SH3TC2: variants seen among roughly 807,000 people sequenced by gnomAD.
SH3TC2 encodes SH3 domain and tetratricopeptide repeats 2.
SH3TC2 carries 87 observed loss-of-function variants against 124.5 expected under a neutral mutation model. The observed-to-expected ratio is 0.70, with a 90% CI of 0.59 to 0.84. SH3TC2 has a LOEUF of 0.84. Ranked by LOEUF, SH3TC2 falls within the 40% of genes least tolerant of loss-of-function variation. SH3TC2 has a pLI of 0.00. For missense variants in SH3TC2, 1,536 were observed against 1,566.4 expected (o/e 0.98, Z 0.33); for synonymous variants, 634 against 628.5 (o/e 1.01, Z -0.13).
intron 12 of SH3TC2, among the ~76,000 whole-genome samples, chr5:149,014,934 G>GC (rs1298598490): frequency 6.6e-6 from 1 of 152,144 alleles, no homozygotes; most frequent in Admixed American, 6.5e-5. Flanking sequence ...TTCCTGCTCT[G>GC]TTTTTTTATG....
At chr5:149,045,826 T>C (rs1472343007) in intron 3 of SH3TC2, 2 of 213,000 alleles carry the variant, frequency 9.4e-6, no homozygotes, top group African/African-American at 4.8e-5. Context: ...TTTTGTATTT[T>C]AGTAGAGATG....
chr5:149,022,312 A>AAAT lies in SH3TC2; in HGVS notation c.3053+4257_3053+4259dup, dbSNP rs1753987868. 2.6e-5 allele frequency among the ~76,000 whole-genome samples: 4 copies of AAAT among 152,336 alleles called. No homozygotes were observed. In the South Asian group the frequency reaches 8.3e-4, roughly 32 times the overall value. On this transcript the variant is annotated intron_variant, in intron 12 of 16. Transcript: ENST00000515425. Reference sequence around the variant, plus strand: ...TGCTCAATATCTTTAGTCATTAAGAAAATGTAAATCAAAACCACAATGAGA... The same window carrying AAAT: ...TGCTCAATATCTTTAGTCATTAAGAAAATAATGTAAATCAAAACCACAATGAGA...
chr5:149,005,767 A>G (rs1753677440), intron 16 of SH3TC2, among the ~76,000 whole-genome samples: 1 of 152,224 alleles, frequency 6.6e-6, no homozygotes, highest in Non-Finnish European at 1.5e-5. Context: ...AAATAAGAAA[A>G]GGACAGCAGA....
intron 6 of SH3TC2, among the ~76,000 whole-genome samples, chr5:149,040,986 C>T (rs1754359800): frequency 6.6e-6 from 1 of 152,146 alleles, no homozygotes; most frequent in African/African-American, 2.4e-5. Context: ...GTAATGTTTA[C>T]TGTCAATCTG....
Position 149,012,597 on chromosome 5 carries a change from T to C in SH3TC2, c.3191A>G (p.Glu1064Gly). ...HYLMQEDELV[E>G]LCLQAAIQTA... ...CAGGAGGCCTACCTGCAGGCACAGCTCCACCAGCTCGTCTTCCTGCATGAG... is the reference window on the plus strand; with the variant it reads ...CAGGAGGCCTACCTGCAGGCACAGCCCCACCAGCTCGTCTTCCTGCATGAG... The change falls in exon 13 of 17, where the codon GAG becomes GGG. Residue 1064 changes from glutamate (E) to glycine (G), a missense_variant. Physicochemically the swap from Glu to Gly is moderately conservative, Grantham distance 98. Coordinates refer to ENST00000515425, the MANE Select transcript of SH3TC2 (RefSeq NM_024577.4). The C allele has an allele frequency of 6.2e-7, 1 of 1,614,068 alleles. No individual in the cohort carries two copies. The highest frequency in any genetic ancestry group is 8.5e-7 in the Non-Finnish European group (1 of 1,180,006).
intron 1 of SH3TC2, among the ~76,000 whole-genome samples, chr5:149,056,105 CT>C (rs377216574): frequency 4.7e-5 from 7 of 148,810 alleles, no homozygotes; most frequent in Admixed American, 6.7e-5. Context: ...CCTCAACATT[CT>C]TTTTTTTTTA....
intron 14 of SH3TC2, 93 bp from the exon 15 acceptor site, chr5:149,009,094 G>A: frequency 4.6e-6 from 7 of 1,528,792 alleles, no homozygotes; most frequent in South Asian, 1.1e-5. Context: ...CAGGGGTTGG[G>A]GAACGGCAGT....
At chr5:149,040,835 C>T (rs1754357082) in intron 6 of SH3TC2, among the ~76,000 whole-genome samples, 158 bp from the exon 7 acceptor site, 1 of 152,120 alleles carries the variant, frequency 6.6e-6, no homozygotes, top group Non-Finnish European at 1.5e-5. Flanking sequence ...TCTACCAGGA[C>T]CTGTGAAAAG....
intron 5 of SH3TC2, among the ~76,000 whole-genome samples, chr5:149,042,178 G>A (rs1282960443): frequency 6.6e-6 from 1 of 152,134 alleles, no homozygotes; most frequent in Non-Finnish European, 1.5e-5. Flanking sequence ...GTTGTTAATT[G>A]GTAGATGATA....
chr5:149,006,769 T>G, intron 16 of SH3TC2, 112 bp downstream of exon 16: 2 of 1,100,486 alleles, frequency 1.8e-6, no homozygotes, highest in East Asian at 4.7e-5. Context: ...ACTTCTCATC[T>G]TGGCACTCTG....
rs1402996886 is a variant in SH3TC2, at chr5:148,994,366, T to A, written c.*10345A>T. The stretch of plus-strand genomic sequence containing the variant: ...AGAGAAGTCAATGATATAATAAGAG[T>A]ATAACCTTTAGTACAGTGTTTGAGG... On this transcript the variant is annotated 3_prime_UTR_variant, in exon 17 of 17. Coordinates refer to ENST00000515425, the MANE Select transcript of SH3TC2 (RefSeq NM_024577.4). Among the ~76,000 whole-genome samples, 2 of 152,150 alleles carry A rather than the reference T, an allele frequency of 1.3e-5. No individual in the cohort carries two copies. Among genetic ancestry groups the A allele is most frequent in the Non-Finnish European group, 1.5e-5 (1 of 68,030 alleles).
chr5:148,996,729 C>T lies in SH3TC2; in HGVS notation c.*7982G>A, dbSNP rs1371082257. Reference sequence around the variant, plus strand: ...ACAAACATCAGAAGTTCTCTATGTGCAAGAAAGTTCAATAACCAAAAAAGT... The same window carrying T: ...ACAAACATCAGAAGTTCTCTATGTGTAAGAAAGTTCAATAACCAAAAAAGT... On this transcript the variant is annotated 3_prime_UTR_variant, in exon 17 of 17. Coordinates refer to ENST00000515425, the MANE Select transcript of SH3TC2 (RefSeq NM_024577.4). 6.6e-6 allele frequency among the ~76,000 whole-genome samples: 1 copy of T among 152,060 alleles called. No individual in the cohort carries two copies. The highest frequency in any genetic ancestry group is 1.5e-5 in the Non-Finnish European group (1 of 68,024).
chr5:149,009,853 T>C (rs1263338631), intron 14 of SH3TC2, among the ~76,000 whole-genome samples: 2 of 152,178 alleles, frequency 1.3e-5, no homozygotes, highest in Non-Finnish European at 2.9e-5. Context: ...TTTTAATACA[T>C]GCTTATTAAA....
rs1343289981 is a variant in SH3TC2 at position 149,001,077 on chromosome 5, C to T, written c.*3634G>A. Among the ~76,000 whole-genome samples the T allele has an allele frequency of 6.6e-6, 1 of 152,094 alleles. No homozygotes were observed. The highest frequency in any genetic ancestry group is 2.4e-5 in the African/African-American group (1 of 41,438). On this transcript the variant is annotated 3_prime_UTR_variant, in exon 17 of 17. Transcript: ENST00000515425. ...AGTGATAGGCTTCCTGATCCCTCAT[C>T]CTAACACCCTCCATTCCTGCATATT...
At position 149,005,631 on chromosome 5, in the gene SH3TC2, C is replaced by T. The variant is rs114935027; in HGVS notation, c.3676-729G>A. Among the ~76,000 whole-genome samples, 462 of 152,268 alleles carry T rather than the reference C, an allele frequency of 3.0e-3. 6 individuals carry two copies. The highest frequency in any genetic ancestry group is 0.011 in the African/African-American group (441 of 41,556). On this transcript the variant is annotated intron_variant, in intron 16 of 16. Transcript: ENST00000515425. ...GATGGCTAGAGGGTGCTTCACTACC[C>T]CCGGCCCTCCCTACATGGTAAAGAT...
chr5:149,026,723 G>A lies in SH3TC2; in HGVS notation c.2902C>T (p.His968Tyr). The A allele has an allele frequency of 6.2e-7, 1 of 1,614,216 alleles. No homozygotes were observed. The highest frequency in any genetic ancestry group is 8.5e-7 in the Non-Finnish European group (1 of 1,180,040). The change falls in exon 12 of 17, where the codon CAT becomes TAT. Residue 968 changes from histidine (H) to tyrosine (Y), a missense_variant. By Grantham distance (83) the His-to-Tyr change is moderately conservative (BLOSUM62 2). Coordinates refer to ENST00000515425, the MANE Select transcript of SH3TC2 (RefSeq NM_024577.4). ...SQLQATKSLC[H>Y]FYSSVSPNPE... ...TTTGGGGACACAGAGCTGTAGAAAT[G>A]GCAGAGGGATTTGGTGGCCTGAAGC...
chr5:149,053,845 A>G (rs1330821868), intron 1 of SH3TC2, among the ~76,000 whole-genome samples: 2 of 152,140 alleles, frequency 1.3e-5, no homozygotes, highest in Non-Finnish European at 2.9e-5. Flanking sequence ...AATTAAAACA[A>G]TTGGACTCAT....
intron 4 of SH3TC2, 63 bp from the exon 5 acceptor site, chr5:149,042,900 G>C: frequency 1.9e-6 from 3 of 1,601,368 alleles, no homozygotes; most frequent in Non-Finnish European, 2.6e-6. Context: ...GAGCACAGAA[G>C]AGAGTGAGAA....
rs1753453045 is a variant in SH3TC2 at position 148,993,430 on chromosome 5, A to T, written c.*11281T>A. 6.6e-6 allele frequency among the ~76,000 whole-genome samples: 1 copy of T among 152,258 alleles called. No individual in the cohort carries two copies. The highest frequency in any genetic ancestry group is 1.5e-5 in the Non-Finnish European group (1 of 68,034). On this transcript the variant is annotated 3_prime_UTR_variant, in exon 17 of 17. Transcript: ENST00000515425. ...TAAAATAGAAGATGGAAAAAGGTAG[A>T]AATTGTTTAACTGCTCTGTATTGAA...
Sources: allele counts gnomAD v4.1 joint callset (sites outside exome capture counted in the v4.1 genomes callset), GRCh38; gene constraint gnomAD v4.1.1; transcripts MANE v1.5; gene names NCBI Gene and HGNC (gene_info 2026-07-23, HGNC 2026-07-21).